Variants in ZNF44 observed in about 807,000 individuals in gnomAD.
ZNF44 encodes gonadotropin inducible transcription repressor-2.
Under a neutral mutation model 11.7 loss-of-function variants are expected in ZNF44, and 9 were observed. The observed-to-expected ratio is 0.77, with a 90% confidence interval of 0.46 to 1.35. The LOEUF is 1.35. Among genes scored for constraint, ZNF44 ranks in the 40% most tolerant of loss-of-function variants. ZNF44 has a pLI of 0.00. For synonymous variants in ZNF44, 224 were observed against 242.7 expected (o/e 0.92, Z 0.72); for missense variants, 696 against 743.1 (o/e 0.94, Z 0.74).
chr19:12,243,039 AAC>A (rs1328210819), downstream of ZNF44, among the ~76,000 whole-genome samples: 3 of 152,196 alleles, frequency 2.0e-5, no homozygotes, highest in Non-Finnish European at 2.9e-5. Flanking sequence ...GTCATGCAAG[AAC>A]ACACAGAACT....
chr19:12,253,993 TAAG>T (rs945454150), intron 5 of ZNF44, among the ~76,000 whole-genome samples: 6 of 151,366 alleles, frequency 4.0e-5, no homozygotes, highest in African/African-American at 1.2e-4. Context: ...AAGGAAAAAA[TAAG>T]AAGGACACAG....
chr19:12,291,942 A>G (rs900786593), intron 1 of ZNF44, among the ~76,000 whole-genome samples: 2 of 151,688 alleles, frequency 1.3e-5, no homozygotes, highest in South Asian at 2.1e-4. Flanking sequence ...CAGTGAACCA[A>G]GATAGTACCA....
intron 5 of ZNF44, among the ~76,000 whole-genome samples, chr19:12,253,155 C>A (rs1917091320): frequency 1.3e-5 from 2 of 148,564 alleles, no homozygotes; most frequent in Non-Finnish European, 3.0e-5. Context: ...GCCCGAAGTG[C>A]TGGGATTACA....
At chr19:12,268,145 G>GACACACACACACACAC (rs71166661), downstream of ZNF44, among the ~76,000 whole-genome samples, 695 of 136,846 alleles carry the variant, frequency 5.1e-3, 6 homozygotes, top group African/African-American at 0.016. Flanking sequence ...CACACACACA[G>GACACACACACACACAC]ACACACACAC....
intron 1 of ZNF44, among the ~76,000 whole-genome samples, chr19:12,277,448 C>G (rs978419826): frequency 1.3e-5 from 2 of 152,162 alleles, no homozygotes; most frequent in African/African-American, 4.8e-5. Context: ...ATCTCAACAG[C>G]AGACATTTAA....
Position 12,272,712 on chromosome 19 carries a change from G to A in ZNF44, c.1543C>T (p.Arg515Cys), listed in dbSNP as rs772551940. ...TCATGAGTTTTTAAGTAACTGAAAC[G>A]ACTGAAGGCTTTGCCACAAATTTGA... ...ECQICGKAFS[R>C]FSYLKTHERT... is the part of the protein sequence containing the mutation. The change falls in exon 4 of 4, where the codon CGT (arginine) becomes TGT (cysteine). Residue 515 changes from arginine to cysteine, a missense_variant. Coordinates refer to ENST00000355684, the MANE Select transcript of ZNF44 (RefSeq NM_016264.4). The A allele has an allele frequency of 7.4e-6, 12 of 1,613,470 alleles. No homozygotes were observed. Among genetic ancestry groups the A allele is most frequent in the African/African-American group, 1.3e-5 (1 of 74,960 alleles).
intron 1 of ZNF44, among the ~76,000 whole-genome samples, chr19:12,292,855 G>GTTTTTTTTTTTTTTTTTTTTTT (rs71166664): frequency 1.4e-4 from 11 of 76,912 alleles, no homozygotes; most frequent in African/African-American, 5.3e-4. Context: ...CAGAGGTTAG[G>GTTTTTTTTTTTTTTTTTTTTTT]TTTTTTTTTT....
At chr19:12,260,179 A>G (rs1917443945) in intron 5 of ZNF44, 1 of 770,746 alleles carries the variant, frequency 1.3e-6, no homozygotes, top group Non-Finnish European at 2.4e-6. Context: ...GTTTCTGATC[A>G]AGAGGACTAT....
intron 5 of ZNF44, chr19:12,260,020 C>A (rs1313664393): frequency 6.6e-6 from 3 of 452,682 alleles, no homozygotes; most frequent in East Asian, 1.1e-4. Flanking sequence ...TGTATACAGT[C>A]CCCCCTCCAC....
At chr19:12,284,541 G>A in intron 1 of ZNF44, 1 of 705,276 alleles carries the variant, frequency 1.4e-6, no homozygotes, top group Non-Finnish European at 2.6e-6. Flanking sequence ...CTAGTCCCTG[G>A]AGGAGATCTA....
intron 5 of ZNF44, among the ~76,000 whole-genome samples, chr19:12,256,162 A>T (rs956739499): frequency 2.3e-4 from 35 of 152,064 alleles, no homozygotes; most frequent in African/African-American, 8.2e-4. Flanking sequence ...AGGTGGGCCA[A>T]CCCGCAAGTC....
At chr19:12,248,296 T>C (rs941048723) in exon 8 of ZNF44, 7 of 1,295,636 alleles carry the variant, frequency 5.4e-6, no homozygotes, top group Admixed American at 2.3e-5. Flanking sequence ...TTATCTCCAG[T>C]GTGAGTCCTT....
At chr19:12,228,223 T>C (rs534011614) in intron 3 of ZNF44, among the ~76,000 whole-genome samples, 8 of 152,306 alleles carry the variant, frequency 5.3e-5, no homozygotes, top group South Asian at 2.1e-4. Context: ...TTAATGTAGG[T>C]AAAAATCCAC....
chr19:12,225,402 G>A (rs1466442860), downstream of ZNF44: 1 of 152,086 alleles, frequency 6.6e-6, no homozygotes, highest in African/African-American at 2.4e-5. Context: ...CCAAGAATCT[G>A]TTTGTTTGTT....
chr19:12,234,654 A>G (rs1286654136), intron 2 of ZNF44: 6 of 152,198 alleles, frequency 3.9e-5, no homozygotes, highest in Non-Finnish European at 8.8e-5. Context: ...AAGGAAAAAA[A>G]TAGTATCCTC....
In ZNF44 at chr19:12,274,000, G is replaced by A. The variant is rs1235719428; in HGVS notation, c.255C>T (p.Ser85=). The change falls in exon 4 of 4, where the codon AGC becomes AGT. Residue 85 remains serine, a synonymous_variant. Transcript: ENST00000355684. The stretch of plus-strand genomic sequence containing the variant: ...TGTTTACAATACTATTTCGAATCTG[G>A]CTTAAGGTTTCTCCACACTGACTAC... ...KDGSQCGETL[S]QIRNSIVNKN... 2 of 1,613,834 alleles carry A rather than the reference G, an allele frequency of 1.2e-6. No individual in the cohort carries two copies. Among genetic ancestry groups the A allele is most frequent in the Non-Finnish European group, 1.7e-6 (2 of 1,179,904 alleles).
intron 1 of ZNF44, chr19:12,291,233 T>C (rs1007063776): frequency 2.2e-6 from 1 of 455,844 alleles, no homozygotes; most frequent in South Asian, 1.6e-5. Context: ...ACTTATCCAC[T>C]GTCCCAAGTT....
At chr19:12,268,772 C>A (rs988591631), downstream of ZNF44, among the ~76,000 whole-genome samples, 7 of 146,642 alleles carry the variant, frequency 4.8e-5, no homozygotes, top group Middle Eastern at 3.5e-3. Context: ...GAGACAGGGT[C>A]TTGCTCTGTT....
chr19:12,278,153 C>G (rs769906303), intron 1 of ZNF44, among the ~76,000 whole-genome samples: 8 of 152,226 alleles, frequency 5.3e-5, no homozygotes, highest in Non-Finnish European at 1.2e-4. Flanking sequence ...ACACCTGGCC[C>G]ACCCAGGGTG....
Sources: gnomAD v4.1 joint callset for allele counts (sites outside exome capture counted in the v4.1 genomes callset) on GRCh38, gnomAD v4.1.1 for gene constraint, MANE v1.5 for transcripts, NCBI Gene and HGNC (gene_info 2026-07-23, HGNC 2026-07-21) for gene names.